MPP4: variants seen among roughly 807,000 people sequenced by gnomAD.
MPP4 encodes the protein MAGUK p55 scaffold protein 4, also known as MAGUK p55 subfamily member 4.
In MPP4, 91 loss-of-function variants were observed where a neutral mutation model predicts 98.3. The observed-to-expected ratio is 0.93, with a 90% CI of 0.78 to 1.10. MPP4 has a LOEUF of 1.10. Among genes scored for constraint, MPP4 ranks in the 50% least tolerant of loss-of-function variants. The pLI, the probability that MPP4 is intolerant of heterozygous loss-of-function variation, is 0.00. For synonymous variants in MPP4, 261 were observed against 271.8 expected, an observed-to-expected ratio of 0.96 and a Z score of 0.39; for missense variants, 744 against 792.9, an observed-to-expected ratio of 0.94 and a Z score of 0.74.
At chr2:201,682,454 G>C (rs1018074854) in intron 8 of MPP4, among the ~76,000 whole-genome samples, 34 of 152,190 alleles carry the variant, frequency 2.2e-4, no homozygotes, top group African/African-American at 8.0e-4. Context: ...AGTGTTAGTG[G>C]GGGAAGGAGT....
At chr2:201,656,087 A>T in intron 17 of MPP4, 111 bp downstream of exon 17, 1 of 1,205,558 alleles carries the variant, frequency 8.3e-7, no homozygotes, top group Non-Finnish European at 1.1e-6. Flanking sequence ...AGGTATTTGT[A>T]TGGGGGTCCA....
At chr2:201,659,821 G>A (rs928797383) in intron 15 of MPP4, among the ~76,000 whole-genome samples, 5 of 152,172 alleles carry the variant, frequency 3.3e-5, no homozygotes, top group African/African-American at 1.2e-4. Context: ...GCAACAGAGA[G>A]AGACTTCGTC....
At chr2:201,682,599 G>T (rs1370323065) in intron 8 of MPP4, among the ~76,000 whole-genome samples, 1 of 152,132 alleles carries the variant, frequency 6.6e-6, no homozygotes. Context: ...AAGGAGGAAG[G>T]AGCTGCTTGG....
chr2:201,672,059 G>A (rs1337303886), intron 11 of MPP4, among the ~76,000 whole-genome samples: 2 of 152,162 alleles, frequency 1.3e-5, no homozygotes, highest in Non-Finnish European at 2.9e-5. Context: ...TCAGACCACA[G>A]TGCAATCAAA....
intron 5 of MPP4, 75 bp from the exon 6 acceptor site, chr2:201,686,125 C>G: frequency 6.6e-7 from 1 of 1,516,580 alleles, no homozygotes; most frequent in Non-Finnish European, 8.9e-7. Flanking sequence ...TAACTCAATA[C>G]TATCTAAGAC....
At chr2:201,690,920 G>C (rs1336653153) in intron 3 of MPP4, among the ~76,000 whole-genome samples, 2 of 152,212 alleles carry the variant, frequency 1.3e-5, no homozygotes, top group African/African-American at 4.8e-5. Flanking sequence ...ACCAAAGCCT[G>C]CCTAGCTCTG....
intron 20 of MPP4, among the ~76,000 whole-genome samples, chr2:201,648,197 AT>A (rs1687618855): frequency 3.9e-5 from 6 of 152,138 alleles, no homozygotes; most frequent in Admixed American, 2.0e-4. Flanking sequence ...TAATTTTTGT[AT>A]TTTTAGTAGA....
At chr2:201,671,657 G>A (rs1468063927) in intron 11 of MPP4, among the ~76,000 whole-genome samples, 1 of 152,006 alleles carries the variant, frequency 6.6e-6, no homozygotes, top group Non-Finnish European at 1.5e-5. Context: ...ACAAAGAAGG[G>A]CATTGCAAAG....
At chr2:201,658,573 G>C in intron 15 of MPP4, 55 bp from the exon 16 acceptor site, 2 of 1,506,128 alleles carry the variant, frequency 1.3e-6, no homozygotes, top group South Asian at 2.5e-5. Flanking sequence ...AGTTTATTCA[G>C]AATAAATTCA....
chr2:201,681,829 C>A lies in MPP4; in HGVS notation c.661-262G>T, dbSNP rs561835277. Among the ~76,000 whole-genome samples the A allele has an allele frequency of 6.5e-4, 99 of 151,410 alleles. 1 individual carries two copies. Among genetic ancestry groups the A allele is most frequent in the African/African-American group, 1.4e-3 (56 of 40,922 alleles). On this transcript the variant is annotated intron_variant, in intron 8 of 21. Coordinates refer to ENST00000409474, the MANE Select transcript of MPP4 (RefSeq NM_033066.3). ...GTGGCCTCTTCCAGGGACCCCCCCC[C>A]ACCCTACACTGAAACAGAAACACCC...
intron 20 of MPP4, 23 bp from the exon 21 acceptor site, chr2:201,647,848 C>T: frequency 1.3e-6 from 2 of 1,583,578 alleles, no homozygotes; most frequent in East Asian, 4.6e-5. Flanking sequence ...TTTAAATGCA[C>T]ATTTATTTTT....
At position 201,693,993 on chromosome 2, in the gene MPP4, G is replaced by A. The variant is rs757746966; in HGVS notation, c.-39C>T. 3.7e-6 allele frequency: 6 copies of A among 1,613,704 alleles called. No individual in the cohort carries two copies. Among genetic ancestry groups the A allele is most frequent in the African/African-American group, 1.3e-5 (1 of 74,902 alleles). On this transcript the variant is annotated 5_prime_UTR_variant, in exon 2 of 22. Transcript: ENST00000409474. The stretch of plus-strand genomic sequence containing the variant: ...GCTTCTGAAAGGAATTCAGGACTAG[G>A]AAGCGGGTCAATACACGGCACACAG...
At position 201,650,162 on chromosome 2, in the gene MPP4, G is replaced by C; in HGVS notation, c.1385C>G (p.Thr462Ser). The change falls in exon 19 of 22, where the codon ACT becomes AGT. Residue 462 changes from threonine (T) to serine (S), a missense_variant. Coordinates refer to ENST00000409474, the MANE Select transcript of MPP4 (RefSeq NM_033066.3). ...PSHFQSAVPH[T>S]TRTKKSYEMN... ...TTCGTAACTCTTTTTAGTACGAGTA[G>C]TGTCTATCAGAAAAAGGGAATGAAA... The C allele has an allele frequency of 1.9e-6, 3 of 1,562,728 alleles. No homozygotes were observed. Among genetic ancestry groups the C allele is most frequent in the Non-Finnish European group, 2.6e-6 (3 of 1,152,404 alleles).
Position 201,656,334 on chromosome 2 carries a change from C to G in MPP4, c.1164G>C (p.Arg388Ser). The G allele has an allele frequency of 6.4e-7, 1 of 1,555,920 alleles. No individual in the cohort carries two copies. The highest frequency in any genetic ancestry group is 8.7e-7 in the Non-Finnish European group (1 of 1,149,312). Residue 388 changes from arginine (R) to serine (S), a missense_variant, in exon 17 of 22, where the codon AGG (arginine) becomes AGC (serine). Transcript: ENST00000409474. ...GFRRSMRLCR[R>S]KSHLSPLHAS... is the part of the protein sequence containing the mutation. ...CATGCAGCGGGCTGAGGTGAGACTT[C>G]CTGCGACAAAGGCGCATGCTGCGGC... is the stretch of plus-strand genomic sequence containing the variant.
At chr2:201,668,377 G>A (rs1243366073) in intron 12 of MPP4, among the ~76,000 whole-genome samples, 2 of 152,078 alleles carry the variant, frequency 1.3e-5, no homozygotes, top group Non-Finnish European at 2.9e-5. Context: ...TCATACTGCT[G>A]GGGCCTTAAT....
intron 1 of MPP4, chr2:201,697,988 T>C (rs1292721284): frequency 3.0e-6 from 3 of 985,318 alleles, no homozygotes; most frequent in Non-Finnish European, 1.2e-6. Context: ...CTATTTCTGC[T>C]ATCTTGAGAG....
chr2:201,645,169 C>CT lies in MPP4; in HGVS notation c.*40_*41insA. ...AGATTGCAACTATGGATCGCTGTAT[C>CT]AAGGGTACAGTGTTAAAACTCCAGC... On this transcript the variant is annotated 3_prime_UTR_variant, in exon 22 of 22. Transcript: ENST00000409474. 1 of 1,531,886 alleles carries CT rather than the reference C, an allele frequency of 6.5e-7. No individual in the cohort carries two copies. The highest frequency in any genetic ancestry group is 1.2e-5 in the South Asian group (1 of 80,186). The allele number at this position is 1,531,886 out of a possible 1,614,324, so 94.9% of individuals were successfully genotyped here. A position where few individuals can be genotyped will look rare whatever the true frequency, so the allele number is the denominator to read the frequency against.
chr2:201,687,348 G>C lies in MPP4; in HGVS notation c.303C>G (p.Thr101=). The change falls in exon 5 of 22, where the codon ACC becomes ACG. Residue 101 remains threonine (T), a synonymous_variant. Coordinates refer to ENST00000409474, the MANE Select transcript of MPP4 (RefSeq NM_033066.3). ...SYEVVELLRE[T]PTSPEIQELR... ...GCTCTTGGATCTCAGGGGAAGTAGGGGTTTCACGTAATAACTCCACTACCT... is the reference window on the plus strand; with the variant it reads ...GCTCTTGGATCTCAGGGGAAGTAGGCGTTTCACGTAATAACTCCACTACCT... 1 of 1,582,302 alleles carries C rather than the reference G, an allele frequency of 6.3e-7. No individual in the cohort carries two copies. Among genetic ancestry groups the C allele is most frequent in the Non-Finnish European group, 8.6e-7 (1 of 1,162,480 alleles).
rs1221057599 is a variant in MPP4 at position 201,664,114 on chromosome 2, A to T, written c.1052-13T>A. 19 of 1,507,256 alleles carry T rather than the reference A, an allele frequency of 1.3e-5. No individual in the cohort carries two copies. The highest frequency in any genetic ancestry group is 1.6e-5 in the Non-Finnish European group (18 of 1,112,044). 93.4% of individuals were successfully genotyped at this position (1,507,256 alleles called of 1,614,324 possible). A position where few individuals can be genotyped will look rare whatever the true frequency, so the allele number is the denominator to read the frequency against. ...AATGTTTCTTCATCTATGATTTTTC[A>T]TGGAGGCAAAAATCAAAAATGTTAT... On this transcript the variant is annotated splice_polypyrimidine_tract_variant and intron_variant, in intron 13 of 21. Transcript: ENST00000409474.
Sources: allele counts gnomAD v4.1 joint callset (sites outside exome capture counted in the v4.1 genomes callset), GRCh38; gene constraint gnomAD v4.1.1; transcripts MANE v1.5; gene names NCBI Gene and HGNC (gene_info 2026-07-23, HGNC 2026-07-21).